Variants in CAMTA1 observed in about 807,000 individuals in gnomAD.
The protein encoded by CAMTA1 is calmodulin binding transcription activator 1, also known as calmodulin-binding transcription activator 1.
Under a neutral mutation model 170.9 loss-of-function variants are expected in CAMTA1, and 27 were observed. The observed-to-expected ratio is 0.16, with a 90% CI of 0.12 to 0.22. The LOEUF is 0.22. CAMTA1 is among the 10% of genes least tolerant of loss of function. The probability of loss-of-function intolerance (pLI) is 1.00; values close to 1 mark genes in which losing one functional copy is unlikely to be tolerated. For synonymous variants in CAMTA1, 833 were observed against 891.5 expected, an observed-to-expected ratio of 0.93 and a Z score of 1.17; for missense variants, 1,619 against 2,217.2, an observed-to-expected ratio of 0.73 and a Z score of 5.42.
intron 3 of CAMTA1, among the ~76,000 whole-genome samples, chr1:6,832,586 A>G (rs377115880): frequency 1.1e-3 from 165 of 152,278 alleles, no homozygotes; most frequent in African/African-American, 3.8e-3. Context: ...AAGACTCTTC[A>G]GACTTCCTAA....
chr1:6,851,717 A>T (rs1170120316), intron 3 of CAMTA1, among the ~76,000 whole-genome samples: 7 of 152,110 alleles, frequency 4.6e-5, no homozygotes, highest in Non-Finnish European at 8.8e-5. Context: ...CATCTCTACT[A>T]AAAATACAAA....
chr1:6,888,341 C>A, intron 3 of CAMTA1: 1 of 752,922 alleles, frequency 1.3e-6, no homozygotes, highest in Non-Finnish European at 1.6e-6. Context: ...AACTGGAAGC[C>A]TAGTTCAGGG....
At chr1:7,285,079 G>A (rs557349746) in intron 5 of CAMTA1, among the ~76,000 whole-genome samples, 1 of 152,310 alleles carries the variant, frequency 6.6e-6, no homozygotes, top group South Asian at 2.1e-4. Flanking sequence ...TTGGTCCGGC[G>A]GCCCCAGTGG....
chr1:6,903,892 C>T (rs1158195372), intron 3 of CAMTA1, among the ~76,000 whole-genome samples: 2 of 151,918 alleles, frequency 1.3e-5, no homozygotes, highest in Non-Finnish European at 3.0e-5. Flanking sequence ...CGCAGACCTT[C>T]TTTTTATCTG....
intron 3 of CAMTA1, among the ~76,000 whole-genome samples, chr1:6,966,902 G>A (rs1364407547): frequency 4.0e-5 from 6 of 148,174 alleles, no homozygotes; most frequent in African/African-American, 1.2e-4. Flanking sequence ...ATGAGCCACC[G>A]TGCCCGGCCA....
rs542202298 is a variant in CAMTA1 at position 7,769,248 on chromosome 1, G to C, written c.*2757G>C. On this transcript the variant is annotated 3_prime_UTR_variant, in exon 23 of 23. Coordinates refer to ENST00000303635, the MANE Select transcript of CAMTA1 (RefSeq NM_015215.4). Reference sequence around the variant, plus strand: ...TGAATCTTAATTTCGAATATAAGATGATAGGTAAGCGCAGCTTTCTTGGAT... The same window carrying C: ...TGAATCTTAATTTCGAATATAAGATCATAGGTAAGCGCAGCTTTCTTGGAT... The C allele has an allele frequency of 1.3e-5, 2 of 152,900 alleles. No individual in the cohort carries two copies. Among genetic ancestry groups the C allele is most frequent in the South Asian group, 4.1e-4 (2 of 4,826 alleles). 9.5% of individuals were successfully genotyped at this position (152,900 alleles called of 1,614,324 possible).
At chr1:6,999,509 A>G (rs1169803009) in intron 3 of CAMTA1, among the ~76,000 whole-genome samples, 1 of 152,044 alleles carries the variant, frequency 6.6e-6, no homozygotes, top group Non-Finnish European at 1.5e-5. Flanking sequence ...TCAGTCTCCC[A>G]AGTAGTTGGG....
chr1:6,989,869 T>C (rs1557935513), intron 3 of CAMTA1, among the ~76,000 whole-genome samples: 2 of 152,060 alleles, frequency 1.3e-5, no homozygotes, highest in Admixed American at 1.3e-4. Flanking sequence ...TTACTGACCT[T>C]GGGGGGTGAG....
intron 3 of CAMTA1, among the ~76,000 whole-genome samples, chr1:6,830,770 A>G (rs1228736965): frequency 6.6e-6 from 1 of 152,028 alleles, no homozygotes; most frequent in Non-Finnish European, 1.5e-5. Flanking sequence ...GACACGGCAC[A>G]TTTCTATCAC....
At position 7,585,658 on chromosome 1, in the gene CAMTA1, A is replaced by G. The variant is rs1340293256; in HGVS notation, c.511-54742A>G. Among the ~76,000 whole-genome samples the G allele has an allele frequency of 6.6e-6, 1 of 152,140 alleles. No homozygotes were observed. The highest frequency in any genetic ancestry group is 1.5e-5 in the Non-Finnish European group (1 of 68,004). On this transcript the variant is annotated intron_variant, in intron 6 of 22. Coordinates refer to ENST00000303635, the MANE Select transcript of CAMTA1 (RefSeq NM_015215.4). The surrounding 1 kb of genome is among the most constrained non-coding windows in gnomAD (Gnocchi z 4.8). Reference sequence around the variant, plus strand: ...AAGGGCAGGAGGCTGCAGGAGGACAATGGGCCATGGGAGGACAAGAATAGG... The same window carrying G: ...AAGGGCAGGAGGCTGCAGGAGGACAGTGGGCCATGGGAGGACAAGAATAGG...
Position 7,579,011 on chromosome 1 carries a change from C to T in CAMTA1, c.511-61389C>T, listed in dbSNP as rs1557948059. Among the ~76,000 whole-genome samples the T allele has an allele frequency of 2.0e-5, 3 of 152,234 alleles. No individual in the cohort carries two copies. In the South Asian group the frequency reaches 6.2e-4, roughly 31 times the overall value. On this transcript the variant is annotated intron_variant, in intron 6 of 22. Transcript: ENST00000303635. ...CTACCCCTGCTCCAGGGAGCACAGC[C>T]TCCCCGCTTTACTGAGTGCAGAAGC... is the stretch of plus-strand genomic sequence containing the variant.
At chr1:7,019,248 T>C (rs1701019911) in intron 3 of CAMTA1, among the ~76,000 whole-genome samples, 1 of 152,260 alleles carries the variant, frequency 6.6e-6, no homozygotes, top group African/African-American at 2.4e-5. Context: ...CTGGGCAGCC[T>C]CTGCAAAGGT....
At position 7,050,835 on chromosome 1, in the gene CAMTA1, G is replaced by A. The variant is rs1706227778; in HGVS notation, c.235-40469G>A. ...AGAGGGGACTCTGGGAAGGAGAAAT[G>A]GGAACATCACACTGGGGTATTTATG... On this transcript the variant is annotated intron_variant, in intron 3 of 22. Transcript: ENST00000303635. The surrounding 1 kb of genome is among the most constrained non-coding windows in gnomAD (Gnocchi z 4.8). Among the ~76,000 whole-genome samples the A allele has an allele frequency of 6.6e-6, 1 of 152,108 alleles. No individual in the cohort carries two copies. The highest frequency in any genetic ancestry group is 2.4e-5 in the African/African-American group (1 of 41,404).
intron 6 of CAMTA1, among the ~76,000 whole-genome samples, chr1:7,535,073 C>T (rs2094533519): frequency 1.3e-5 from 2 of 152,286 alleles, no homozygotes; most frequent in African/African-American, 2.4e-5. Context: ...CCGCCCGCCC[C>T]ACCCCGGGCC....
intron 7 of CAMTA1, among the ~76,000 whole-genome samples, chr1:7,660,686 C>T (rs924625652): frequency 5.3e-5 from 8 of 152,234 alleles, no homozygotes; most frequent in Non-Finnish European, 7.3e-5. Context: ...CGGCTGTCCC[C>T]CTGGAGCTGG....
intron 6 of CAMTA1, among the ~76,000 whole-genome samples, chr1:7,488,651 A>G (rs550862181): frequency 6.6e-6 from 1 of 152,272 alleles, no homozygotes; most frequent in East Asian, 1.9e-4. Flanking sequence ...ATAAGCACAT[A>G]TGTGCACACA....
chr1:7,072,661 A>C (rs1418862854), intron 3 of CAMTA1, among the ~76,000 whole-genome samples: 3 of 152,184 alleles, frequency 2.0e-5, no homozygotes, highest in Non-Finnish European at 4.4e-5. Context: ...GTGTCAGGGG[A>C]TGTTGCTATT....
intron 4 of CAMTA1, among the ~76,000 whole-genome samples, chr1:7,114,265 T>C (rs897435645): frequency 6.6e-6 from 1 of 152,014 alleles, no homozygotes; most frequent in Admixed American, 6.6e-5. Flanking sequence ...TACCCTGTAT[T>C]AGTCAGGGTT....
At chr1:6,979,994 C>T (rs143364817) in intron 3 of CAMTA1, among the ~76,000 whole-genome samples, 1 of 152,202 alleles carries the variant, frequency 6.6e-6, no homozygotes, top group Non-Finnish European at 1.5e-5. Flanking sequence ...CATAGAAAAA[C>T]GCACCCCCAT....
Sources: allele counts gnomAD v4.1 joint callset (sites outside exome capture counted in the v4.1 genomes callset), GRCh38; gene constraint gnomAD v4.1.1; non-coding constraint Gnocchi (gnomAD v3.1); transcripts MANE v1.5; gene names NCBI Gene and HGNC (gene_info 2026-07-23, HGNC 2026-07-21).